The following PPP2R2A variants were observed in gnomAD, a reference collection of about 807,000 sequenced individuals.
The protein encoded by PPP2R2A is protein phosphatase 2 regulatory subunit Balpha, also known as serine/threonine-protein phosphatase 2A 55 kDa regulatory subunit B alpha isoform.
PPP2R2A carries 9 observed loss-of-function variants against 53.2 expected under a neutral mutation model. The observed-to-expected ratio is 0.17, with a 90% confidence interval of 0.10 to 0.30. The LOEUF (loss-of-function observed/expected upper bound fraction) is 0.30, where lower values mean the gene tolerates loss of function less well. PPP2R2A is among the 10% of genes least tolerant of loss of function. PPP2R2A has a pLI of 1.00. For synonymous variants in PPP2R2A, 169 were observed against 174.2 expected (o/e 0.97, Z 0.23); for missense variants, 235 against 534.6 (o/e 0.44, Z 5.53).
At chr8:26,300,969 T>A (rs2117200052) in intron 2 of PPP2R2A, among the ~76,000 whole-genome samples, 1 of 152,350 alleles carries the variant, frequency 6.6e-6, no homozygotes, top group East Asian at 1.9e-4. Flanking sequence ...ATTTTTTGAG[T>A]GCTTAACTAT....
In PPP2R2A at chr8:26,347,735, G is replaced by A. The variant is rs183809136; in HGVS notation, c.181-6733G>A. ...CCACTATATTATTGTTTTTTTGATA[G>A]GATATTGTGACTGATACGCTTCCAA... On this transcript the variant is annotated intron_variant, in intron 3 of 9. Coordinates refer to ENST00000380737, the MANE Select transcript of PPP2R2A (RefSeq NM_002717.4). 7.0e-4 allele frequency among the ~76,000 whole-genome samples: 106 copies of A among 152,038 alleles called. 2 individuals carry two copies. The highest frequency in any genetic ancestry group is 1.6e-4 in the Non-Finnish European group (11 of 67,956).
chr8:26,293,252 C>G (rs913390969), intron 1 of PPP2R2A: 31 of 1,535,780 alleles, frequency 2.0e-5, no homozygotes, highest in Non-Finnish European at 2.6e-5. Context: ...CAGTAATGTT[C>G]CCGAAGTTTT....
chr8:26,345,468 C>T (rs1485757272), intron 3 of PPP2R2A, among the ~76,000 whole-genome samples: 1 of 152,078 alleles, frequency 6.6e-6, no homozygotes, highest in Non-Finnish European at 1.5e-5. Context: ...TTGGTATATA[C>T]CAAAGGCCTG....
Position 26,363,693 on chromosome 8 carries a change from T to C in PPP2R2A, c.803-28T>C, listed in dbSNP as rs772993290. 4.6e-6 allele frequency: 7 copies of C among 1,528,226 alleles called. No individual in the cohort carries two copies. In the Admixed American group the frequency reaches 1.3e-4, roughly 29 times the overall value. 94.7% of individuals were successfully genotyped at this position (1,528,226 alleles called of 1,614,324 possible). A position where few individuals can be genotyped will look rare whatever the true frequency, so the allele number is the denominator to read the frequency against. ...AGCCAGAATATTGTACACCTTGCCC[T>C]TTTTGTGTTGTTTTGTTTTGTTTTT... On this transcript the variant is annotated intron_variant, in intron 7 of 9. Coordinates refer to ENST00000380737, the MANE Select transcript of PPP2R2A (RefSeq NM_002717.4).
chr8:26,350,936 G>A (rs1171806029), intron 3 of PPP2R2A, among the ~76,000 whole-genome samples: 1 of 152,056 alleles, frequency 6.6e-6, no homozygotes, highest in Non-Finnish European at 1.5e-5. Context: ...TGGATCACTT[G>A]AGCCCAGGAA....
At chr8:26,339,034 C>G in intron 3 of PPP2R2A, 47 bp downstream of exon 3, 1 of 1,392,736 alleles carries the variant, frequency 7.2e-7, no homozygotes. Flanking sequence ...GATCTTAGGA[C>G]TAGAGCTTGT....
intron 8 of PPP2R2A, chr8:26,365,951 T>C (rs1585414720): frequency 6.0e-6 from 1 of 167,398 alleles, no homozygotes; most frequent in East Asian, 1.8e-4. Context: ...CAGTAGTTAA[T>C]GGACTGAAAG....
At chr8:26,342,468 C>T (rs1287191273) in intron 3 of PPP2R2A, among the ~76,000 whole-genome samples, 2 of 152,116 alleles carry the variant, frequency 1.3e-5, no homozygotes, top group Non-Finnish European at 2.9e-5. Context: ...TCCATGGGTG[C>T]TCAAATTAGG....
At chr8:26,350,251 G>A (rs1356097973) in intron 3 of PPP2R2A, among the ~76,000 whole-genome samples, 1 of 152,018 alleles carries the variant, frequency 6.6e-6, no homozygotes, top group Non-Finnish European at 1.5e-5. Context: ...TTTTGGTAGA[G>A]AGAGAGTTTC....
chr8:26,293,090 A>G, intron 1 of PPP2R2A: 1 of 622,950 alleles, frequency 1.6e-6, no homozygotes, highest in East Asian at 3.1e-5. Flanking sequence ...GCTTCCTTTG[A>G]CAGTCTCTTT....
intron 1 of PPP2R2A, chr8:26,293,072 C>A: frequency 1.9e-6 from 1 of 535,494 alleles, no homozygotes; most frequent in Non-Finnish European, 3.2e-6. Flanking sequence ...TGAAGGGAGG[C>A]AGAACAAGCT....
chr8:26,350,656 T>TGGCCTCCCAAAGTTGGAGGCCTCCCAAA (rs1388460237), intron 3 of PPP2R2A: 3 of 152,068 alleles, frequency 2.0e-5, no homozygotes, highest in Non-Finnish European at 4.4e-5. Flanking sequence ...TCCTCTGTCT[T>TGGCCTCCCAAAGTTGGAGGCCTCCCAAA]GGCCTCCCAA....
chr8:26,292,916 T>G (rs912598006), intron 1 of PPP2R2A, among the ~76,000 whole-genome samples: 5 of 152,220 alleles, frequency 3.3e-5, no homozygotes, highest in African/African-American at 1.2e-4. Flanking sequence ...TTGAAAAAGT[T>G]AACATGTCGG....
At chr8:26,307,946 T>C (rs1478677500) in intron 2 of PPP2R2A, among the ~76,000 whole-genome samples, 1 of 152,194 alleles carries the variant, frequency 6.6e-6, no homozygotes, top group Non-Finnish European at 1.5e-5. Flanking sequence ...TAAAATCAAA[T>C]ATAGGCATAC....
intron 2 of PPP2R2A, among the ~76,000 whole-genome samples, chr8:26,315,619 G>A (rs535044023): frequency 5.9e-5 from 9 of 152,242 alleles, no homozygotes; most frequent in Admixed American, 3.9e-4. Context: ...GCTGTTTTGA[G>A]TCTCATGCTT....
intron 2 of PPP2R2A, chr8:26,333,498 A>AG: frequency 8.1e-7 from 1 of 1,233,170 alleles, no homozygotes; most frequent in Non-Finnish European, 1.1e-6. Context: ...CACTTATTTG[A>AG]GACATAGTCC....
In PPP2R2A at chr8:26,369,557, AT is replaced by A. The variant is rs910701731; in HGVS notation, c.1065-569del. 1.4e-3 allele frequency among the ~76,000 whole-genome samples: 209 copies of A among 151,994 alleles called. 1 individual carries two copies. Among genetic ancestry groups the A allele is most frequent in the Admixed American group, 4.0e-3 (61 of 15,266 alleles). ...GGGTGCCTGCCACCACGCCAGGCTA[AT>A]TTTTTTTGTATTTTTAGTAGAGACC... On this transcript the variant is annotated intron_variant, in intron 9 of 9. Transcript: ENST00000380737.
chr8:26,340,438 A>G (rs1803882701), intron 3 of PPP2R2A, among the ~76,000 whole-genome samples: 1 of 151,890 alleles, frequency 6.6e-6, no homozygotes, highest in African/African-American at 2.4e-5. Context: ...CCTTGAATGT[A>G]TTTTTTACTG....
intron 9 of PPP2R2A, among the ~76,000 whole-genome samples, chr8:26,366,705 A>G (rs748774068): frequency 2.6e-5 from 4 of 152,134 alleles, no homozygotes; most frequent in Non-Finnish European, 4.4e-5. Flanking sequence ...CTTGGTTGTT[A>G]TTCTTCCATT....
Sources: allele counts gnomAD v4.1 joint callset (sites outside exome capture counted in the v4.1 genomes callset), GRCh38; gene constraint gnomAD v4.1.1; transcripts MANE v1.5; gene names NCBI Gene and HGNC (gene_info 2026-07-23, HGNC 2026-07-21).